Variants in BMP1 observed in about 807,000 individuals in gnomAD.
BMP1 encodes the protein mammalian tolloid protein.
Under a neutral mutation model 116.8 loss-of-function variants are expected in BMP1, and 63 were observed. The ratio of observed to expected loss-of-function variants is 0.54; its 90% CI spans 0.44 to 0.67. The LOEUF is 0.67. Ranked by LOEUF, BMP1 falls within the 30% of genes least tolerant of loss-of-function variation. The probability of loss-of-function intolerance (pLI) is 0.00; values close to 1 mark genes in which losing one functional copy is unlikely to be tolerated. For synonymous variants in BMP1, 536 were observed against 533.4 expected (o/e 1.00, Z -0.07); for missense variants, 1,183 against 1,358.9 (o/e 0.87, Z 2.04).
At chr8:22,204,273 C>T (rs115121039) in intron 16 of BMP1, among the ~76,000 whole-genome samples, 1,831 of 152,272 alleles carry the variant, frequency 0.012, 39 homozygotes, top group African/African-American at 0.041. Context: ...GGAGCTTCAC[C>T]TGCCTCTACC....
intron 15 of BMP1, among the ~76,000 whole-genome samples, chr8:22,200,750 A>G (rs1829236614): frequency 6.6e-6 from 1 of 152,114 alleles, no homozygotes; most frequent in African/African-American, 2.4e-5. Context: ...AATGAGAGCC[A>G]GAGCAGAGCT....
intron 8 of BMP1, among the ~76,000 whole-genome samples, chr8:22,181,960 C>T (rs1828635112): frequency 1.3e-5 from 2 of 152,154 alleles, no homozygotes; most frequent in Non-Finnish European, 2.9e-5. Flanking sequence ...TCCCTCTTTC[C>T]CATGTCAGCC....
In BMP1 at chr8:22,209,671, G is replaced by A. The variant is rs1325978371; in HGVS notation, c.2802G>A (p.Arg934=). ...ACGGCTACGACAGCACAGCCCCCAGGCTGGGGCGCTACTGTGGCTCAGGGG... is the reference window on the plus strand; with the variant it reads ...ACGGCTACGACAGCACAGCCCCCAGACTGGGGCGCTACTGTGGCTCAGGGG... The part of the protein sequence containing the change: ...LFDGYDSTAP[R]LGRYCGSGPP... Residue 934 remains arginine, a synonymous_variant, in exon 19 of 20, where the codon AGG becomes AGA. Transcript: ENST00000306385. 3 of 1,613,742 alleles carry A rather than the reference G, an allele frequency of 1.9e-6. No homozygotes were observed. In the Admixed American group the frequency reaches 5.0e-5, roughly 27 times the overall value.
At chr8:22,193,872 G>A (rs978306273) in intron 9 of BMP1, among the ~76,000 whole-genome samples, 186 bp from the exon 10 acceptor site, 4 of 152,292 alleles carry the variant, frequency 2.6e-5, no homozygotes, top group Middle Eastern at 3.4e-3. Context: ...GTGGTCTCTG[G>A]CTCTCCAAAG....
intron 6 of BMP1, among the ~76,000 whole-genome samples, chr8:22,178,279 G>T (rs1245573162): frequency 6.6e-6 from 1 of 152,210 alleles, no homozygotes; most frequent in African/African-American, 2.4e-5. Context: ...TTTTATTTGT[G>T]GGCCATTTGT....
At chr8:22,187,497 A>ATT (rs768807192) in intron 8 of BMP1, among the ~76,000 whole-genome samples, 1,902 of 104,422 alleles carry the variant, frequency 0.018, 74 homozygotes, top group African/African-American at 0.066. Flanking sequence ...CGCCCGGCTA[A>ATT]TTTTTTTTTT....
At chr8:22,202,211 C>T (rs1829279694) in intron 16 of BMP1, among the ~76,000 whole-genome samples, 1 of 152,232 alleles carries the variant, frequency 6.6e-6, no homozygotes, top group African/African-American at 2.4e-5. Context: ...ATGTCCAAGT[C>T]TCTTTGTGAC....
intron 16 of BMP1, among the ~76,000 whole-genome samples, chr8:22,206,226 GC>G (rs1290621005): frequency 6.6e-6 from 1 of 151,998 alleles, no homozygotes; most frequent in East Asian, 1.9e-4. Context: ...AATTAGCCAG[GC>G]ATAGTGGCTC....
chr8:22,176,687 T>C, intron 4 of BMP1, 37 bp downstream of exon 4: 1 of 1,604,266 alleles, frequency 6.2e-7, no homozygotes, highest in Non-Finnish European at 8.5e-7. Flanking sequence ...CCTTCCGCCA[T>C]TGCCCCAACC....
chr8:22,177,722 C>T (rs369347108), intron 5 of BMP1, 130 bp from the exon 6 acceptor site: 24 of 793,142 alleles, frequency 3.0e-5, no homozygotes, highest in African/African-American at 5.1e-5. Flanking sequence ...GGCTGCTCCC[C>T]GGACCCTCAG....
chr8:22,207,153 T>C (rs537429633), intron 17 of BMP1, 150 bp from the exon 18 acceptor site: 2 of 1,375,462 alleles, frequency 1.5e-6, no homozygotes, highest in East Asian at 2.3e-5. Context: ...CGTCCCTGCC[T>C]TCGCCCTATT....
intron 16 of BMP1, among the ~76,000 whole-genome samples, chr8:22,203,445 T>TA (rs776547994): frequency 3.3e-5 from 5 of 152,050 alleles, no homozygotes; most frequent in Non-Finnish European, 7.4e-5. Flanking sequence ...TAATCCCAGC[T>TA]ACTCAGGAGG....
chr8:22,206,923 C>A lies in BMP1; in HGVS notation c.2303C>A (p.Pro768His). The A allele has an allele frequency of 6.2e-7, 1 of 1,614,200 alleles. No individual in the cohort carries two copies. The highest frequency in any genetic ancestry group is 8.5e-7 in the Non-Finnish European group (1 of 1,180,028). ...ITSPNWPDKYPSKKECTWAIS... is the reference protein window; with the variant it reads ...ITSPNWPDKYHSKKECTWAIS... ...AGCCCCAACTGGCCTGACAAGTATCCCAGCAAGAAGGAGTGCACGTGGGCC... is the reference window on the plus strand; with the variant it reads ...AGCCCCAACTGGCCTGACAAGTATCACAGCAAGAAGGAGTGCACGTGGGCC... Residue 768 changes from proline (P) to histidine (H), a missense_variant, in exon 17 of 20, where the codon CCC becomes CAC. This residue lies in a region of BMP1 where 956 missense variants were observed against 1,135.2 expected (regional missense o/e 0.84). Transcript: ENST00000306385.
At chr8:22,199,152 C>T (rs760621501) in intron 15 of BMP1, 1 of 1,367,724 alleles carries the variant, frequency 7.3e-7, no homozygotes, top group Non-Finnish European at 9.8e-7. Context: ...CCCACACGCA[C>T]ACACATGTGC....
intron 8 of BMP1, among the ~76,000 whole-genome samples, chr8:22,191,437 A>G (rs1451661453): frequency 3.3e-5 from 5 of 152,094 alleles, no homozygotes; most frequent in African/African-American, 1.2e-4. Flanking sequence ...CAGAATCAGT[A>G]CTCAATAAAT....
intron 8 of BMP1, among the ~76,000 whole-genome samples, chr8:22,186,397 T>G (rs1231992382): frequency 6.6e-6 from 1 of 152,242 alleles, no homozygotes; most frequent in Non-Finnish European, 1.5e-5. Context: ...GACTCGCAGC[T>G]GTGCCACGTA....
At chr8:22,168,476 G>A (rs989675607) in intron 1 of BMP1, among the ~76,000 whole-genome samples, 1 of 152,286 alleles carries the variant, frequency 6.6e-6, no homozygotes, top group South Asian at 2.1e-4. Context: ...CAGGGGTGGG[G>A]CTAGAAGCAT....
intron 16 of BMP1, among the ~76,000 whole-genome samples, chr8:22,204,220 G>A (rs1406885374): frequency 1.3e-5 from 2 of 152,180 alleles, no homozygotes; most frequent in Non-Finnish European, 2.9e-5. Context: ...TGAACCCACC[G>A]ATGGGTAATG....
In BMP1 at chr8:22,177,966, C is replaced by CCA. The variant is rs1828501596; in HGVS notation, c.836+9_836+10insCA. On this transcript the variant is annotated intron_variant, in intron 6 of 19. Coordinates refer to ENST00000306385, the MANE Select transcript of BMP1 (RefSeq NM_006129.5). ...CGGAACACATTCTCCAGGTGGGAGA[C>CCA]GGGATTGGGGCTGGGCCTCTGCTCG... 6.3e-7 allele frequency: 1 copy of CCA among 1,598,448 alleles called. No homozygotes were observed. Among genetic ancestry groups the CCA allele is most frequent in the African/African-American group, 1.3e-5 (1 of 74,624 alleles).
Sources: allele counts gnomAD v4.1 joint callset (sites outside exome capture counted in the v4.1 genomes callset), GRCh38; gene constraint gnomAD v4.1.1; regional missense constraint gnomAD v4.1.1; transcripts MANE v1.5; gene names NCBI Gene and HGNC (gene_info 2026-07-23, HGNC 2026-07-21).